KRTAP4-8: variants seen among roughly 807,000 people sequenced by gnomAD.
The protein encoded by KRTAP4-8 is keratin-associated protein 4-8.
For missense variants in KRTAP4-8, 188 were observed against 237.4 expected (o/e 0.79, Z 1.37); for synonymous variants, 66 against 86.6 (o/e 0.76, Z 1.32).
Position 41,097,433 on chromosome 17 carries a change from A to C in KRTAP4-8, c.*94T>G, listed in dbSNP as rs7212517. The C allele has an allele frequency of 0.62, 908,181 of 1,476,200 alleles. 281,282 individuals are homozygous for C. The highest frequency in any genetic ancestry group is 0.69 in the Middle Eastern group (3,556 of 5,124). The allele number at this position is 1,476,200 out of a possible 1,614,324, so 91.4% of individuals were successfully genotyped here. On this transcript the variant is annotated 3_prime_UTR_variant, in exon 1 of 1. Transcript: ENST00000333822. The stretch of plus-strand genomic sequence containing the variant: ...TGAGGTCCACCCTGCTGAATGACAT[A>C]AATCCCACTCCATGTGTCCTAATAT...
In KRTAP4-8 at chr17:41,097,606, C is replaced by A. The variant is rs1429967143; in HGVS notation, c.479G>T (p.Cys160Phe). The change falls in exon 1 of 1, where the codon TGC (cysteine) becomes TTC (phenylalanine). Residue 160 changes from cysteine to phenylalanine, a missense_variant. Transcript: ENST00000333822. ...CLRPVCGRVS[C>F]HTTCYRPACV... ...GGCTGGGCGATAGCAAGTGGTGTGG[C>A]AGGAGACTCGGCCACAGACTGGACG... 1.3e-6 allele frequency: 2 copies of A among 1,572,440 alleles called. No homozygotes were observed. The highest frequency in any genetic ancestry group is 2.3e-5 in the East Asian group (1 of 42,926).
rs749008946 is a variant in KRTAP4-8, at chr17:41,098,108, T to A, written c.-24A>T. 6.4e-7 allele frequency: 1 copy of A among 1,573,984 alleles called. No homozygotes were observed. The highest frequency in any genetic ancestry group is 1.7e-5 in the Admixed American group (1 of 57,168). On this transcript the variant is annotated 5_prime_UTR_variant, in exon 1 of 1. Transcript: ENST00000333822. ...ATGGTGTCAGAGGGTGAAGGATCTATTTGGGTTTCCAAGAGAGTAAAGTTC... is the reference window on the plus strand; with the variant it reads ...ATGGTGTCAGAGGGTGAAGGATCTAATTGGGTTTCCAAGAGAGTAAAGTTC...
Position 41,097,512 on chromosome 17 carries a change from G to A in KRTAP4-8, c.*15C>T, listed in dbSNP as rs1451233583. Reference sequence around the variant, plus strand: ...GGACCAGCGGTGAAGGGAGAGATGAGCCAGGGCAGTGGGCTCAGCAGCAAG... The same window carrying A: ...GGACCAGCGGTGAAGGGAGAGATGAACCAGGGCAGTGGGCTCAGCAGCAAG... On this transcript the variant is annotated 3_prime_UTR_variant, in exon 1 of 1. Coordinates refer to ENST00000333822, the MANE Select transcript of KRTAP4-8 (RefSeq NM_031960.3). 1.9e-6 allele frequency: 3 copies of A among 1,555,556 alleles called. No homozygotes were observed. The highest frequency in any genetic ancestry group is 1.4e-5 in the African/African-American group (1 of 73,172).
At position 41,098,127 on chromosome 17, in the gene KRTAP4-8, A is replaced by G. The variant is rs1226240111; in HGVS notation, c.-43T>C. On this transcript the variant is annotated 5_prime_UTR_variant, in exon 1 of 1. Coordinates refer to ENST00000333822, the MANE Select transcript of KRTAP4-8 (RefSeq NM_031960.3). Reference sequence around the variant, plus strand: ...GATCTATTTGGGTTTCCAAGAGAGTAAAGTTCTTGAGTTTGGAAGTTTCCT... The same window carrying G: ...GATCTATTTGGGTTTCCAAGAGAGTGAAGTTCTTGAGTTTGGAAGTTTCCT... The G allele has an allele frequency of 7.8e-6, 12 of 1,546,568 alleles. No individual in the cohort carries two copies. The highest frequency in any genetic ancestry group is 1.0e-5 in the Non-Finnish European group (12 of 1,144,358).
Position 41,097,465 on chromosome 17 carries a change from C to G in KRTAP4-8, c.*62G>C. On this transcript the variant is annotated 3_prime_UTR_variant, in exon 1 of 1. Transcript: ENST00000333822. ...ACTCCATGTGTCCTAATATTCAGCA[C>G]AGAAGAATGGTCTACATTTGTGGAC... The G allele has an allele frequency of 5.3e-6, 8 of 1,519,268 alleles. No homozygotes were observed. The highest frequency in any genetic ancestry group is 2.0e-5 in the Admixed American group (1 of 49,040). The allele number at this position is 1,519,268 out of a possible 1,614,324, so 94.1% of individuals were successfully genotyped here. A position where few individuals can be genotyped will look rare whatever the true frequency, so the allele number is the denominator to read the frequency against.
chr17:41,097,652 A>G lies in KRTAP4-8; in HGVS notation c.433T>C (p.Cys145Arg). 6.3e-7 allele frequency: 1 copy of G among 1,590,008 alleles called. No homozygotes were observed. Among genetic ancestry groups the G allele is most frequent in the Non-Finnish European group, 8.6e-7 (1 of 1,168,102 alleles). ...CRPSCCESSC[C>R]RPCCCLRPVC... is the part of the protein sequence containing the mutation. ...GGACGCAGGCAGCAGCAGGGGCGGC[A>G]GCAGCTGGATTCACAGCAAGAGGGG... The change falls in exon 1 of 1, where the codon TGC (cysteine) becomes CGC (arginine). Residue 145 changes from cysteine to arginine, a missense_variant. Physicochemically the swap from Cys to Arg is radical, Grantham distance 180. Coordinates refer to ENST00000333822, the MANE Select transcript of KRTAP4-8 (RefSeq NM_031960.3).
At position 41,097,279 on chromosome 17, in the gene KRTAP4-8, C is replaced by A; in HGVS notation, c.*248G>T. The stretch of plus-strand genomic sequence containing the variant: ...TTAGAGGATTGGAATAATTTCTTAG[C>A]TAGTGGATTACAAATTAATTCGTAT... On this transcript the variant is annotated 3_prime_UTR_variant, in exon 1 of 1. Coordinates refer to ENST00000333822, the MANE Select transcript of KRTAP4-8 (RefSeq NM_031960.3). 1.6e-6 allele frequency: 1 copy of A among 618,046 alleles called. No individual in the cohort carries two copies. 38.3% of individuals were successfully genotyped at this position (618,046 alleles called of 1,614,324 possible).
chr17:41,097,022 AATAAAG>A lies in KRTAP4-8; in HGVS notation c.*499_*504del, dbSNP rs2013854902. On this transcript the variant is annotated 3_prime_UTR_variant, in exon 1 of 1. Transcript: ENST00000333822. ...TTAATACAATATATTTTGTGAACAC[AATAAAG>A]ATAAAGAACTAATAAAATAGAAAAA... is the stretch of plus-strand genomic sequence containing the variant. 1 of 161,428 alleles carries A rather than the reference AATAAAG, an allele frequency of 6.2e-6. No individual in the cohort carries two copies. Among genetic ancestry groups the A allele is most frequent in the African/African-American group, 2.4e-5 (1 of 41,580 alleles). The allele number at this position is 161,428 out of a possible 1,614,324, so 10.0% of individuals were successfully genotyped here. A position where few individuals can be genotyped will look rare whatever the true frequency, so the allele number is the denominator to read the frequency against.
Sources: gnomAD v4.1 joint callset for allele counts on GRCh38, gnomAD v4.1.1 for gene constraint, MANE v1.5 for transcripts, NCBI Gene and HGNC (gene_info 2026-07-23, HGNC 2026-07-21) for gene names.